Variants in GTF2IRD1 observed in about 807,000 individuals in gnomAD.
GTF2IRD1 encodes GTF2I repeat domain containing 1, also known as general transcription factor II-I repeat domain-containing protein 1.
In GTF2IRD1, 26 loss-of-function variants were observed where a neutral mutation model predicts 113.2. The observed-to-expected ratio is 0.23, with a 90% CI of 0.17 to 0.32. GTF2IRD1 has a LOEUF of 0.32. GTF2IRD1 is among the 10% of genes least tolerant of loss of function. The probability of loss-of-function intolerance (pLI) is 1.00; values close to 1 mark genes in which losing one functional copy is unlikely to be tolerated. For missense variants in GTF2IRD1, 864 were observed against 1,280.8 expected, an observed-to-expected ratio of 0.67 and a Z score of 4.97; for synonymous variants, 484 against 529.1, an observed-to-expected ratio of 0.91 and a Z score of 1.17.
intron 22 of GTF2IRD1, among the ~76,000 whole-genome samples, chr7:74,573,637 G>A (rs1320654743): frequency 5.3e-5 from 8 of 152,200 alleles, no homozygotes; most frequent in Non-Finnish European, 8.8e-5. Context: ...AAGCTGATGC[G>A]TGTGTCTGAG....
chr7:74,473,531 C>T (rs1554332888), intron 1 of GTF2IRD1, among the ~76,000 whole-genome samples: 3 of 151,996 alleles, frequency 2.0e-5, no homozygotes, highest in Non-Finnish European at 4.4e-5. Flanking sequence ...TTCAAGTAAT[C>T]CTCTCACTTT....
At chr7:74,465,749 G>A (rs902714627) in intron 1 of GTF2IRD1, among the ~76,000 whole-genome samples, 1 of 152,054 alleles carries the variant, frequency 6.6e-6, no homozygotes, top group African/African-American at 2.4e-5. Flanking sequence ...GGGGTGTGGG[G>A]TGTGGGGTGT....
intron 8 of GTF2IRD1, 27 bp downstream of exon 8, chr7:74,524,181 T>G (rs984767918): frequency 6.2e-6 from 9 of 1,460,002 alleles, no homozygotes; most frequent in African/African-American, 1.4e-5. Context: ...GCCCGCCGTG[T>G]GGCCCCAGCA....
intron 22 of GTF2IRD1, among the ~76,000 whole-genome samples, chr7:74,588,230 C>G (rs1198876174): frequency 6.6e-6 from 1 of 150,970 alleles, no homozygotes; most frequent in Non-Finnish European, 1.5e-5. Flanking sequence ...GTCTCAATCT[C>G]TTGAGTAGTT....
At chr7:74,492,055 A>G (rs1042467800) in intron 1 of GTF2IRD1, among the ~76,000 whole-genome samples, 11 of 152,104 alleles carry the variant, frequency 7.2e-5, no homozygotes, top group Non-Finnish European at 2.9e-5. Context: ...CCAGACTGGA[A>G]TGCAGTGGTG....
chr7:74,487,608 C>T (rs1011789828), intron 1 of GTF2IRD1: 1 of 152,052 alleles, frequency 6.6e-6, no homozygotes, highest in Non-Finnish European at 1.5e-5. Flanking sequence ...ATTACTTAAA[C>T]AATTTTTAAA....
Position 74,488,870 on chromosome 7 carries a change from C to T in GTF2IRD1, c.-6-19205C>T, listed in dbSNP as rs1327571111. On this transcript the variant is annotated intron_variant, in intron 1 of 26. Coordinates refer to ENST00000424337, the MANE Select transcript of GTF2IRD1 (RefSeq NM_005685.4). Reference sequence around the variant, plus strand: ...AGAAATATGGACTTTTGCCTGGGCGCGGTGGTTCATTCCTGTAATCCCAGC... The same window carrying T: ...AGAAATATGGACTTTTGCCTGGGCGTGGTGGTTCATTCCTGTAATCCCAGC... Among the ~76,000 whole-genome samples the T allele has an allele frequency of 4.0e-5, 6 of 151,892 alleles. No individual in the cohort carries two copies. In the East Asian group the frequency reaches 5.8e-4, roughly 15 times the overall value.
Position 74,598,052 on chromosome 7 carries a change from G to A in GTF2IRD1, c.2630-2992G>A, listed in dbSNP as rs587638025. On this transcript the variant is annotated intron_variant, in intron 25 of 26. Transcript: ENST00000424337. ...GGCCATAAAGTGAGACCCTCCCTCC[G>A]TCTCTGCAAAAAAATTAAAAATTAG... 3.5e-4 allele frequency among the ~76,000 whole-genome samples: 53 copies of A among 152,126 alleles called. No homozygotes were observed. The South Asian group carries it at 3.7e-3, about 11-fold the overall frequency.
chr7:74,508,561 T>C (rs1364419316), intron 2 of GTF2IRD1, among the ~76,000 whole-genome samples: 1 of 151,858 alleles, frequency 6.6e-6, no homozygotes, highest in Non-Finnish European at 1.5e-5. Flanking sequence ...CGTGGTGGCA[T>C]GCGCCTGTAA....
intron 19 of GTF2IRD1, among the ~76,000 whole-genome samples, chr7:74,556,110 G>T (rs1554356771): frequency 1.3e-5 from 2 of 151,852 alleles, no homozygotes; most frequent in African/African-American, 4.8e-5. Flanking sequence ...GAATTAGTTG[G>T]GCGAGGTGGC....
At chr7:74,492,209 C>T (rs187021081) in intron 1 of GTF2IRD1, among the ~76,000 whole-genome samples, 13 of 144,416 alleles carry the variant, frequency 9.0e-5, no homozygotes, top group South Asian at 2.2e-4. Context: ...CTCACTCTGT[C>T]GCCCAGGCTG....
chr7:74,559,097 C>A, intron 21 of GTF2IRD1, 53 bp downstream of exon 21: 1 of 1,496,384 alleles, frequency 6.7e-7, no homozygotes, highest in South Asian at 1.2e-5. Context: ...CAGATGGGAG[C>A]TTGCACCTGC....
intron 22 of GTF2IRD1, among the ~76,000 whole-genome samples, chr7:74,562,012 C>T (rs1554359214): frequency 6.6e-6 from 1 of 152,138 alleles, no homozygotes; most frequent in African/African-American, 2.4e-5. Flanking sequence ...AGCCAGGTAT[C>T]CACCAGGTAT....
At chr7:74,508,841 G>A (rs1306016018) in intron 2 of GTF2IRD1, among the ~76,000 whole-genome samples, 1 of 152,134 alleles carries the variant, frequency 6.6e-6, no homozygotes, top group East Asian at 1.9e-4. Flanking sequence ...GATAATGTGT[G>A]GGGAGCCATT....
Position 74,453,991 on chromosome 7 carries a change from T to C in GTF2IRD1, c.-192T>C, listed in dbSNP as rs1324421841. On this transcript the variant is annotated 5_prime_UTR_variant, in exon 1 of 27. Coordinates refer to ENST00000424337, the MANE Select transcript of GTF2IRD1 (RefSeq NM_005685.4). Reference sequence around the variant, plus strand: ...GAGCGCCAGCCCCCCGGCCGGCCGATTCCCCCCCCGCGCCCCCTCCCCGCG... The same window carrying C: ...GAGCGCCAGCCCCCCGGCCGGCCGACTCCCCCCCCGCGCCCCCTCCCCGCG... 2 of 144,202 alleles carry C rather than the reference T, an allele frequency of 1.4e-5. No individual in the cohort carries two copies. The highest frequency in any genetic ancestry group is 2.5e-5 in the African/African-American group (1 of 39,324). The allele number at this position is 144,202 out of a possible 1,614,324, so 8.9% of individuals were successfully genotyped here.
In GTF2IRD1 at chr7:74,466,952, C is replaced by CT. The variant is rs782708976; in HGVS notation, c.-7+12791dup. ...GGGGCCTCCTCCACCCTTTTTCTTT[C>CT]TTTTTTTTTTTTTTTGGAGACAGGG... On this transcript the variant is annotated intron_variant, in intron 1 of 26. Coordinates refer to ENST00000424337, the MANE Select transcript of GTF2IRD1 (RefSeq NM_005685.4). Among the ~76,000 whole-genome samples, 306 of 140,250 alleles carry CT rather than the reference C, an allele frequency of 2.2e-3. 2 individuals are homozygous for CT. Among genetic ancestry groups the CT allele is most frequent in the East Asian group, 0.013 (62 of 4,844 alleles). 92.0% of individuals were successfully genotyped at this position (140,250 alleles called of 152,430 possible).
intron 21 of GTF2IRD1, 44 bp downstream of exon 21, chr7:74,559,088 A>G (rs1554358237): frequency 1.3e-6 from 2 of 1,535,666 alleles, no homozygotes; most frequent in Non-Finnish European, 1.8e-6. Flanking sequence ...GGACTAGCTC[A>G]GATGGGAGCT....
intron 22 of GTF2IRD1, among the ~76,000 whole-genome samples, chr7:74,568,734 T>A (rs28524605): frequency 6.6e-6 from 1 of 152,108 alleles, no homozygotes; most frequent in Admixed American, 6.6e-5. Context: ...CCTCTCTGCC[T>A]GCTCCTTCTC....
intron 22 of GTF2IRD1, among the ~76,000 whole-genome samples, chr7:74,577,920 G>A (rs587752535): frequency 6.6e-6 from 1 of 151,998 alleles, no homozygotes; most frequent in Non-Finnish European, 1.5e-5. Context: ...CAATCCTCCC[G>A]CATCAGCCTC....
Sources: allele counts gnomAD v4.1 joint callset (sites outside exome capture counted in the v4.1 genomes callset), GRCh38; gene constraint gnomAD v4.1.1; transcripts MANE v1.5; gene names NCBI Gene and HGNC (gene_info 2026-07-23, HGNC 2026-07-21).